Variants in ANKS1B observed in about 807,000 individuals in gnomAD.
ANKS1B encodes the protein ankyrin repeat and sterile alpha motif domain-containing protein 1B.
Under a neutral mutation model 148.3 loss-of-function variants are expected in ANKS1B, and 36 were observed. The ratio of observed to expected loss-of-function variants is 0.24; its 90% CI spans 0.19 to 0.32. The LOEUF is 0.32. Among genes scored for constraint, ANKS1B ranks in the 10% least tolerant of loss-of-function variants. The pLI is 1.00. For missense variants in ANKS1B, 1,157 were observed against 1,542.6 expected (o/e 0.75, Z 4.19); for synonymous variants, 542 against 560.8 (o/e 0.97, Z 0.47).
At chr12:98,808,865 T>C (rs1418103081) in intron 19 of ANKS1B, among the ~76,000 whole-genome samples, 2 of 152,128 alleles carry the variant, frequency 1.3e-5, no homozygotes, top group East Asian at 3.9e-4. Context: ...GTGAGCATCT[T>C]TAGCATTCAC....
chr12:99,576,854 A>T (rs1174747495), intron 9 of ANKS1B, among the ~76,000 whole-genome samples: 1 of 151,854 alleles, frequency 6.6e-6, no homozygotes, highest in African/African-American at 2.4e-5. Flanking sequence ...AAATGATCCC[A>T]CCATCCAGGT....
At chr12:98,757,687 A>G (rs895098728) in intron 25 of ANKS1B, among the ~76,000 whole-genome samples, 5 of 151,852 alleles carry the variant, frequency 3.3e-5, no homozygotes, top group African/African-American at 1.2e-4. Flanking sequence ...TCCAGTTACT[A>G]CCTCCCTTGG....
intron 17 of ANKS1B, among the ~76,000 whole-genome samples, chr12:99,050,690 C>CTTTTTTTTTTTTTTTT (rs62812561): frequency 9.7e-5 from 11 of 113,580 alleles, no homozygotes; most frequent in Non-Finnish European, 1.4e-4. Flanking sequence ...TTTTCTTTTT[C>CTTTTTTTTTTTTTTTT]TTTTTTTTTT....
intron 9 of ANKS1B, among the ~76,000 whole-genome samples, chr12:99,522,250 G>A (rs963937035): frequency 1.3e-5 from 2 of 152,090 alleles, no homozygotes; most frequent in African/African-American, 4.8e-5. Context: ...AGAGATTGAT[G>A]TCCAGTCCCT....
intron 14 of ANKS1B, among the ~76,000 whole-genome samples, chr12:99,188,586 T>G (rs2080207143): frequency 6.6e-6 from 1 of 152,186 alleles, no homozygotes; most frequent in Admixed American, 6.5e-5. Context: ...AACCTGCTCC[T>G]GAATGACTAC....
At chr12:99,127,701 T>C (rs1181140261) in intron 15 of ANKS1B, among the ~76,000 whole-genome samples, 2 of 152,222 alleles carry the variant, frequency 1.3e-5, no homozygotes, top group Admixed American at 6.5e-5. Context: ...CTGTTTTCTT[T>C]GTCTCTAGAC....
At chr12:99,964,904 G>C (rs2095466276) in intron 1 of ANKS1B, among the ~76,000 whole-genome samples, 1 of 152,182 alleles carries the variant, frequency 6.6e-6, no homozygotes, top group Non-Finnish European at 1.5e-5. Flanking sequence ...CGATAGTGGA[G>C]AGGAGATTGA....
intron 2 of ANKS1B, among the ~76,000 whole-genome samples, chr12:99,822,290 A>T (rs541378948): frequency 2.7e-4 from 41 of 152,228 alleles, no homozygotes; most frequent in African/African-American, 9.9e-4. Context: ...TCTACTTTTT[A>T]AAAAATAATT....
intron 14 of ANKS1B, among the ~76,000 whole-genome samples, chr12:99,210,096 C>T (rs577177109): frequency 1.3e-4 from 20 of 152,266 alleles, no homozygotes; most frequent in African/African-American, 4.8e-4. Flanking sequence ...CCAAAATAAA[C>T]CTTTGACTGT....
chr12:99,935,495 A>G (rs1457115043), intron 1 of ANKS1B, among the ~76,000 whole-genome samples: 1 of 152,088 alleles, frequency 6.6e-6, no homozygotes. Flanking sequence ...GTCCACCAAG[A>G]CTATGGTTTC....
At chr12:99,916,777 T>A (rs1333747891) in intron 1 of ANKS1B, among the ~76,000 whole-genome samples, 1 of 152,206 alleles carries the variant, frequency 6.6e-6, no homozygotes, top group Non-Finnish European at 1.5e-5. Context: ...GGAAAACTAC[T>A]GTCACACTAT....
chr12:98,740,896 C>A (rs1465482998), downstream of ANKS1B, among the ~76,000 whole-genome samples: 1 of 152,102 alleles, frequency 6.6e-6, no homozygotes, highest in Non-Finnish European at 1.5e-5. Flanking sequence ...TTTTCTAATG[C>A]CTGGAATATG....
chr12:99,891,364 A>G, intron 1 of ANKS1B, among the ~76,000 whole-genome samples: 1 of 152,038 alleles, frequency 6.6e-6, no homozygotes, highest in Non-Finnish European at 1.5e-5. Flanking sequence ...TGTGTACTAT[A>G]TAGAGGTTGT....
At chr12:99,132,464 GAC>G (rs1165854614) in intron 15 of ANKS1B, among the ~76,000 whole-genome samples, 5 of 149,498 alleles carry the variant, frequency 3.3e-5, no homozygotes, top group African/African-American at 5.0e-5. Context: ...AACATAGCGA[GAC>G]CTTGTCCCCG....
At chr12:99,374,379 CAT>C (rs2093295909) in intron 12 of ANKS1B, among the ~76,000 whole-genome samples, 1 of 152,102 alleles carries the variant, frequency 6.6e-6, no homozygotes, top group Non-Finnish European at 1.5e-5. Flanking sequence ...CAGAGATGCA[CAT>C]GTTAGGTGAA....
At chr12:99,821,323 C>A (rs1334612151) in intron 2 of ANKS1B, among the ~76,000 whole-genome samples, 2 of 151,968 alleles carry the variant, frequency 1.3e-5, no homozygotes, top group East Asian at 3.9e-4. Flanking sequence ...TAAATGAGAT[C>A]TTTCAGACAA....
intron 8 of ANKS1B, among the ~76,000 whole-genome samples, chr12:99,678,138 G>A (rs1388142041): frequency 6.6e-6 from 1 of 152,152 alleles, no homozygotes; most frequent in Non-Finnish European, 1.5e-5. Flanking sequence ...AATCTATGTT[G>A]AGAACTTACT....
intron 14 of ANKS1B, among the ~76,000 whole-genome samples, chr12:99,211,168 A>G (rs920492340): frequency 1.3e-5 from 2 of 152,182 alleles, no homozygotes; most frequent in African/African-American, 4.8e-5. Flanking sequence ...GCATGACCAA[A>G]AGGGGGAAAT....
chr12:99,122,993 A>ATATATATATATATAT (rs57985878), intron 15 of ANKS1B, among the ~76,000 whole-genome samples: 32 of 138,176 alleles, frequency 2.3e-4, no homozygotes, highest in African/African-American at 5.9e-4. Context: ...AAAATTAAAA[A>ATATATATATATATAT]AAAAATATAT....
Sources: allele counts gnomAD v4.1 joint callset (sites outside exome capture counted in the v4.1 genomes callset), GRCh38; gene constraint gnomAD v4.1.1; transcripts MANE v1.5; gene names NCBI Gene and HGNC (gene_info 2026-07-23, HGNC 2026-07-21).